CPEB1: variants seen among roughly 807,000 people sequenced by gnomAD.
CPEB1 encodes cytoplasmic polyadenylation element binding protein 1, also known as cytoplasmic polyadenylation element-binding protein 1.
In CPEB1, 7 loss-of-function variants were observed where a neutral mutation model predicts 65.8. The observed-to-expected ratio is 0.11, with a 90% CI of 0.06 to 0.20. The LOEUF (loss-of-function observed/expected upper bound fraction) is 0.20. Among genes scored for constraint, CPEB1 ranks in the 10% least tolerant of loss-of-function variants. The pLI is 1.00. For synonymous variants in CPEB1, 262 were observed against 260.0 expected (o/e 1.01, Z -0.08); for missense variants, 551 against 712.2 (o/e 0.77, Z 2.58).
At chr15:82,579,548 G>A (rs2041022969) in intron 3 of CPEB1, among the ~76,000 whole-genome samples, 1 of 152,158 alleles carries the variant, frequency 6.6e-6, no homozygotes, top group African/African-American at 2.4e-5. Context: ...TTGAGACACA[G>A]GAAATAATTT....
In CPEB1 at chr15:82,543,841, C is replaced by T. The variant is rs1296371904; in HGVS notation, c.*751G>A. The T allele has an allele frequency of 4.6e-5, 7 of 152,104 alleles. No individual in the cohort carries two copies. The highest frequency in any genetic ancestry group is 1.5e-4 in the African/African-American group (6 of 41,374). 9.4% of individuals were successfully genotyped at this position (152,104 alleles called of 1,614,324 possible). A position where few individuals can be genotyped will look rare whatever the true frequency, so the allele number is the denominator to read the frequency against. ...CAAAAAATTTTTTTTTTCTTGGTTG[C>T]AAATGCCTTGATTTGCAACTGTGAG... On this transcript the variant is annotated 3_prime_UTR_variant, in exon 13 of 13. Transcript: ENST00000684509.
intron 1 of CPEB1, among the ~76,000 whole-genome samples, chr15:82,644,727 T>G (rs2047363003): frequency 6.6e-6 from 1 of 152,170 alleles, no homozygotes; most frequent in South Asian, 2.1e-4. Flanking sequence ...CTTTCTTTCC[T>G]CCTCCTTTGC....
At chr15:82,609,029 T>C (rs2043885506) in intron 3 of CPEB1, among the ~76,000 whole-genome samples, 1 of 152,150 alleles carries the variant, frequency 6.6e-6, no homozygotes, top group African/African-American at 2.4e-5. Flanking sequence ...TAGAAGTCAG[T>C]AACAGAAGGA....
chr15:82,547,846 A>AT (rs1415950302), intron 10 of CPEB1, among the ~76,000 whole-genome samples: 4 of 151,622 alleles, frequency 2.6e-5, no homozygotes, highest in African/African-American at 7.3e-5. Context: ...TAATTTTTGT[A>AT]TTTTTTTGTA....
chr15:82,629,727 G>T (rs953978327), intron 1 of CPEB1: 7 of 985,104 alleles, frequency 7.1e-6, no homozygotes, highest in African/African-American at 1.7e-5. Context: ...TAATGAAACT[G>T]GCACTTAATA....
chr15:82,612,495 CA>C (rs371701761), intron 3 of CPEB1, among the ~76,000 whole-genome samples: 41 of 52,050 alleles, frequency 7.9e-4, no homozygotes, highest in South Asian at 1.3e-3. Context: ...AGAGTCTGTC[CA>C]AAAAAAAAAA....
At chr15:82,592,129 ACCACGC>A (rs2042303361) in intron 3 of CPEB1, among the ~76,000 whole-genome samples, 4 of 152,096 alleles carry the variant, frequency 2.6e-5, no homozygotes, top group Non-Finnish European at 4.4e-5. Context: ...AGCAGGAGCC[ACCACGC>A]CCAGCCAGAA....
chr15:82,564,368 C>T (rs2038769355), intron 4 of CPEB1, among the ~76,000 whole-genome samples: 1 of 152,178 alleles, frequency 6.6e-6, no homozygotes, highest in Non-Finnish European at 1.5e-5. Context: ...TCACTGCAAG[C>T]TCTGCCTCCC....
At chr15:82,628,771 G>A in intron 1 of CPEB1, 1 of 263,286 alleles carries the variant, frequency 3.8e-6, no homozygotes, top group East Asian at 8.0e-5. Flanking sequence ...TGTGAAAACA[G>A]TAAATATGAA....
chr15:82,575,864 T>C (rs576459484), intron 3 of CPEB1, among the ~76,000 whole-genome samples: 7 of 152,318 alleles, frequency 4.6e-5, no homozygotes, highest in African/African-American at 1.7e-4. Context: ...AAAACGCTTA[T>C]ATATTTTCTT....
chr15:82,551,352 G>A (rs944060464), intron 9 of CPEB1, among the ~76,000 whole-genome samples: 2 of 152,118 alleles, frequency 1.3e-5, no homozygotes, highest in Middle Eastern at 3.2e-3. Context: ...ACACTTGCGT[G>A]ACTTCCCCAC....
At chr15:82,589,256 A>G (rs1379851679) in intron 3 of CPEB1, among the ~76,000 whole-genome samples, 1 of 152,234 alleles carries the variant, frequency 6.6e-6, no homozygotes, top group African/African-American at 2.4e-5. Flanking sequence ...GTTCTGCTTA[A>G]TACTCCTGCT....
intron 3 of CPEB1, among the ~76,000 whole-genome samples, chr15:82,584,829 GGAGA>G (rs893890215): frequency 6.8e-4 from 99 of 144,620 alleles, no homozygotes; most frequent in African/African-American, 2.2e-3. Context: ...AAAAAAAACT[GGAGA>G]GATACACCAA....
In CPEB1 at chr15:82,593,786, T is replaced by G. The variant is rs113334176; in HGVS notation, c.272-22254A>C. On this transcript the variant is annotated intron_variant, in intron 3 of 12. Coordinates refer to ENST00000684509, the MANE Select transcript of CPEB1 (RefSeq NM_001365242.1). ...TGATCCATAGGCTGCAAAACTGATC[T>G]TGTGTCAGCAGGCATGAAATCATTA... is the stretch of plus-strand genomic sequence containing the variant. Among the ~76,000 whole-genome samples, 202 of 152,348 alleles carry G rather than the reference T, an allele frequency of 1.3e-3. 1 individual carries two copies. Among genetic ancestry groups the G allele is most frequent in the African/African-American group, 4.3e-3 (178 of 41,580 alleles).
Position 82,571,406 on chromosome 15 carries a change from C to A in CPEB1, c.398G>T (p.Gly133Val). 2 of 1,614,112 alleles carry A rather than the reference C, an allele frequency of 1.2e-6. No individual in the cohort carries two copies. Among genetic ancestry groups the A allele is most frequent in the Non-Finnish European group, 1.7e-6 (2 of 1,180,012 alleles). The change falls in exon 4 of 13, where the codon GGC (glycine) becomes GTC (valine). Residue 133 changes from glycine (G) to valine (V), a missense_variant. Physicochemically the swap from Gly to Val is moderately radical, Grantham distance 109 (BLOSUM62 -3). Coordinates refer to ENST00000684509, the MANE Select transcript of CPEB1 (RefSeq NM_001365242.1). ...CTGGGTGCTCCAGGGTCGGTCCCAG[C>A]CTGTCAGACTGAGGGACTGCAGGCC... ...CLGLQSLSLT[G>V]WDRPWSTQDS... is the part of the protein sequence containing the mutation.
intron 10 of CPEB1, among the ~76,000 whole-genome samples, chr15:82,548,341 A>G (rs536653550): frequency 1.6e-4 from 24 of 152,306 alleles, no homozygotes; most frequent in Middle Eastern, 3.4e-3. Context: ...CTCAAAAAAA[A>G]AATTTTATTT....
intron 10 of CPEB1, 151 bp from the exon 11 acceptor site, chr15:82,547,388 C>T (rs2035438530): frequency 3.6e-6 from 2 of 556,776 alleles, no homozygotes; most frequent in African/African-American, 1.9e-5. Flanking sequence ...GCTCTGCCTC[C>T]CGGTTTCACG....
At chr15:82,559,298 G>A (rs151295930) in intron 4 of CPEB1, among the ~76,000 whole-genome samples, 1,584 of 152,252 alleles carry the variant, frequency 0.01, 32 homozygotes, top group African/African-American at 0.036. Context: ...ACCAGCCCAC[G>A]CTCCTTTAGG....
At chr15:82,571,836 A>G in intron 3 of CPEB1, 1 of 1,162,690 alleles carries the variant, frequency 8.6e-7, no homozygotes, top group Non-Finnish European at 1.1e-6. Context: ...GCCGTGCAAT[A>G]GAGAGCGGCA....
Sources: gnomAD v4.1 joint callset for allele counts (sites outside exome capture counted in the v4.1 genomes callset) on GRCh38, gnomAD v4.1.1 for gene constraint, MANE v1.5 for transcripts, NCBI Gene and HGNC (gene_info 2026-07-23, HGNC 2026-07-21) for gene names.